Variants in SERPINE3 observed in about 807,000 individuals in gnomAD.
SERPINE3 encodes the protein serpin family E member 3.
A neutral mutation model predicts 41.7 loss-of-function variants in SERPINE3; 43 were observed. That is an observed-to-expected ratio of 1.03 (90% confidence interval 0.81 to 1.33). The LOEUF is 1.33. Ranked by LOEUF, SERPINE3 falls within the 40% of genes most tolerant of loss-of-function variation. SERPINE3 has a pLI of 0.00. For synonymous variants in SERPINE3, 200 were observed against 192.2 expected, an observed-to-expected ratio of 1.04 and a Z score of -0.34; for missense variants, 440 against 491.7, an observed-to-expected ratio of 0.89 and a Z score of 0.99.
Position 51,341,238 on chromosome 13 carries a change from C to A in SERPINE3, c.147C>A (p.Asn49Lys). The change falls in exon 3 of 10, where the codon AAC becomes AAA. Residue 49 changes from asparagine to lysine, a missense_variant. Physicochemically the swap from Asn to Lys is moderately conservative, Grantham distance 94 (BLOSUM62 0). Transcript: ENST00000681248. ...TGGCCGCGTGTAGAAATGAGACGAA[C>A]TTTGTCATCTCTCCTGCTGGTGTGT... ...QSVAACRNETNFVISPAGVSL... is the reference protein window; with the variant it reads ...QSVAACRNETKFVISPAGVSL... The A allele has an allele frequency of 6.2e-7, 1 of 1,614,024 alleles. No homozygotes were observed.
At position 51,364,354 on chromosome 13, in the gene SERPINE3, T is replaced by C. The variant is rs1012295215; in HGVS notation, c.*72T>C. 4.9e-6 allele frequency: 4 copies of C among 821,774 alleles called. No individual in the cohort carries two copies. Among genetic ancestry groups the C allele is most frequent in the Non-Finnish European group, 7.3e-6 (4 of 547,002 alleles). The allele number at this position is 821,774 out of a possible 1,614,324, so 50.9% of individuals were successfully genotyped here. A position where few individuals can be genotyped will look rare whatever the true frequency, so the allele number is the denominator to read the frequency against. On this transcript the variant is annotated 3_prime_UTR_variant, in exon 10 of 10. Transcript: ENST00000681248. ...ATTTCATTTTGCTATACCCTTGAAA[T>C]TTAAAAAAATGTCTGATAAAGTGTA...
intron 9 of SERPINE3, 86 bp from the exon 10 acceptor site, chr13:51,364,153 A>T: frequency 1.7e-6 from 1 of 602,826 alleles, no homozygotes; most frequent in Non-Finnish European, 2.7e-6. Flanking sequence ...TGCATTACTT[A>T]AAAGTATTTG....
chr13:51,342,269 C>G (rs550528234), intron 3 of SERPINE3, among the ~76,000 whole-genome samples: 1 of 152,148 alleles, frequency 6.6e-6, no homozygotes, highest in South Asian at 2.1e-4. Context: ...AGGGTCATCC[C>G]GGCCTACCCA....
chr13:51,353,443 G>A (rs1955430486), intron 6 of SERPINE3, among the ~76,000 whole-genome samples: 1 of 152,166 alleles, frequency 6.6e-6, no homozygotes, highest in South Asian at 2.1e-4. Context: ...CACAAGTGAG[G>A]ACTGTGACAA....
At chr13:51,359,514 GA>G (rs1003726408) in intron 7 of SERPINE3, among the ~76,000 whole-genome samples, 1 of 152,090 alleles carries the variant, frequency 6.6e-6, no homozygotes, top group Admixed American at 6.6e-5. Flanking sequence ...CTGTTTAAAT[GA>G]AACTCTTCAG....
intron 4 of SERPINE3, 67 bp from the exon 5 acceptor site, chr13:51,346,958 A>G (rs1955353156): frequency 8.2e-7 from 1 of 1,216,968 alleles, no homozygotes; most frequent in Admixed American, 2.0e-5. Context: ...TTGTCCGCAC[A>G]CACACTGGGT....
In SERPINE3 at chr13:51,361,319, A is replaced by G. The variant is rs377721713; in HGVS notation, c.1042A>G (p.Lys348Glu). Residue 348 changes from lysine to glutamate, a missense_variant, in exon 8 of 10, where the codon AAG (lysine) becomes GAG (glutamate). Physicochemically the swap from Lys to Glu is moderately conservative, Grantham distance 56. Coordinates refer to ENST00000681248, the MANE Select transcript of SERPINE3 (RefSeq NM_001386375.1). ...FYVSEAIHKA[K>E]IEVLEEGTKA... ...TGTTTCTGAAGCAATCCACAAGGCC[A>G]AGATTGAAGTTTTGGAGGAAGGCAC... The G allele has an allele frequency of 1.4e-5, 23 of 1,610,370 alleles. No individual in the cohort carries two copies. Among genetic ancestry groups the G allele is most frequent in the African/African-American group, 5.4e-5 (4 of 74,740 alleles).
Position 51,347,013 on chromosome 13 carries a change from T to G in SERPINE3, c.491-12T>G. 2 of 1,563,218 alleles carry G rather than the reference T, an allele frequency of 1.3e-6. No homozygotes were observed. The highest frequency in any genetic ancestry group is 1.7e-6 in the Non-Finnish European group (2 of 1,152,314). Reference sequence around the variant, plus strand: ...CATTTAACCCATGGCCACCTTGCTTTCCTGCTTGCAGGTGGGGGCCCCAGT... The same window carrying G: ...CATTTAACCCATGGCCACCTTGCTTGCCTGCTTGCAGGTGGGGGCCCCAGT... On this transcript the variant is annotated splice_polypyrimidine_tract_variant and intron_variant, in intron 4 of 9. Coordinates refer to ENST00000681248, the MANE Select transcript of SERPINE3 (RefSeq NM_001386375.1).
Position 51,347,247 on chromosome 13 carries a change from C to T in SERPINE3, c.700+13C>T. The T allele has an allele frequency of 6.2e-7, 1 of 1,611,316 alleles. No individual in the cohort carries two copies. Among genetic ancestry groups the T allele is most frequent in the Non-Finnish European group, 8.5e-7 (1 of 1,178,276 alleles). Reference sequence around the variant, plus strand: ...GAGGTCAACTACGGTGAGCTCTGCCCCTGCTGGTTTGTCTAAAGGGAGAGG... The same window carrying T: ...GAGGTCAACTACGGTGAGCTCTGCCTCTGCTGGTTTGTCTAAAGGGAGAGG... On this transcript the variant is annotated intron_variant, in intron 5 of 9. Coordinates refer to ENST00000681248, the MANE Select transcript of SERPINE3 (RefSeq NM_001386375.1).
intron 6 of SERPINE3, among the ~76,000 whole-genome samples, chr13:51,352,613 C>A (rs1428621976): frequency 6.6e-6 from 1 of 152,010 alleles, no homozygotes; most frequent in Non-Finnish European, 1.5e-5. Flanking sequence ...ACTCGCCCTC[C>A]AGTACCATGT....
intron 6 of SERPINE3, among the ~76,000 whole-genome samples, chr13:51,350,643 T>C (rs1955395352): frequency 6.6e-6 from 1 of 152,158 alleles, no homozygotes; most frequent in Admixed American, 6.5e-5. Flanking sequence ...AAAATCAAGA[T>C]ATAATTCACA....
chr13:51,351,362 C>A (rs1182505833), intron 6 of SERPINE3, among the ~76,000 whole-genome samples: 1 of 152,120 alleles, frequency 6.6e-6, no homozygotes, highest in South Asian at 2.1e-4. Flanking sequence ...GAAGTAGTAT[C>A]TCATTGTGGA....
At chr13:51,363,812 G>C (rs559597117) in intron 9 of SERPINE3, 1 of 152,872 alleles carries the variant, frequency 6.5e-6, no homozygotes, top group East Asian at 1.9e-4. Flanking sequence ...ACAAAAAGAA[G>C]AGATGAACAA....
At chr13:51,353,774 C>T (rs1164504069) in intron 6 of SERPINE3, among the ~76,000 whole-genome samples, 1 of 152,106 alleles carries the variant, frequency 6.6e-6, no homozygotes, top group Non-Finnish European at 1.5e-5. Context: ...TCTTGTATAG[C>T]AATGAAGACC....
intron 7 of SERPINE3, among the ~76,000 whole-genome samples, chr13:51,356,266 T>G (rs1955480278): frequency 6.6e-6 from 1 of 152,106 alleles, no homozygotes; most frequent in Non-Finnish European, 1.5e-5. Flanking sequence ...ACTGTTGACT[T>G]GGTCAAATGA....
At chr13:51,352,676 G>A (rs1292478935) in intron 6 of SERPINE3, among the ~76,000 whole-genome samples, 1 of 152,044 alleles carries the variant, frequency 6.6e-6, no homozygotes, top group Non-Finnish European at 1.5e-5. Flanking sequence ...ATCTTAGGGG[G>A]AAAGTTTTCA....
chr13:51,350,599 G>A (rs7984510), intron 6 of SERPINE3, among the ~76,000 whole-genome samples: 3,165 of 152,138 alleles, frequency 0.021, 56 homozygotes, highest in African/African-American at 0.05. Flanking sequence ...CATGGTGTGT[G>A]GTTTATGCTT....
intron 9 of SERPINE3, chr13:51,362,686 C>A (rs559685254): frequency 6.6e-6 from 1 of 152,244 alleles, no homozygotes; most frequent in Non-Finnish European, 1.5e-5. Context: ...TCAGGCATTA[C>A]TTTTATTTAT....
At chr13:51,346,547 C>T (rs998301137) in intron 4 of SERPINE3, among the ~76,000 whole-genome samples, 5 of 152,186 alleles carry the variant, frequency 3.3e-5, no homozygotes, top group Admixed American at 2.0e-4. Flanking sequence ...AAATACTCTA[C>T]CAACCCAACT....
Sources: gnomAD v4.1 joint callset for allele counts (sites outside exome capture counted in the v4.1 genomes callset) on GRCh38, gnomAD v4.1.1 for gene constraint, MANE v1.5 for transcripts, NCBI Gene and HGNC (gene_info 2026-07-23, HGNC 2026-07-21) for gene names.